Variants in GRM5 observed in about 807,000 individuals in gnomAD.
GRM5 encodes the protein glutamate metabotropic receptor 5.
In GRM5, 19 loss-of-function variants were observed where a neutral mutation model predicts 83.1. The observed-to-expected ratio is 0.23, with a 90% CI of 0.16 to 0.34. The LOEUF is 0.34. Ranked by LOEUF, GRM5 falls within the 10% of genes least tolerant of loss-of-function variation. The pLI is 1.00. For missense variants in GRM5, 1,160 were observed against 1,588.3 expected (o/e 0.73, Z 4.58); for synonymous variants, 675 against 633.6 (o/e 1.07, Z -0.98).
intron 2 of GRM5, among the ~76,000 whole-genome samples, chr11:88,878,013 AAAG>A (rs1367511873): frequency 1.3e-5 from 2 of 152,140 alleles, no homozygotes; most frequent in African/African-American, 4.8e-5. Flanking sequence ...AATAATAAAA[AAAG>A]AAGGAAAGAA....
chr11:88,696,132 G>A (rs1228114881), intron 3 of GRM5, among the ~76,000 whole-genome samples: 1 of 152,140 alleles, frequency 6.6e-6, no homozygotes, highest in Non-Finnish European at 1.5e-5. Context: ...CCAGAAGGGG[G>A]ATGGAGTGGG....
chr11:89,017,632 G>A (rs960177081), intron 2 of GRM5, among the ~76,000 whole-genome samples: 6 of 152,184 alleles, frequency 3.9e-5, no homozygotes, highest in African/African-American at 1.4e-4. Flanking sequence ...AGGTAACAGA[G>A]CTACTAATGG....
intron 3 of GRM5, among the ~76,000 whole-genome samples, chr11:88,675,240 T>C (rs757035625): frequency 5.3e-5 from 8 of 152,012 alleles, no homozygotes; most frequent in Admixed American, 1.3e-4. Flanking sequence ...ATTTTAATTG[T>C]TATGTGCTTC....
At chr11:88,759,150 A>G (rs1469857765) in intron 3 of GRM5, among the ~76,000 whole-genome samples, 1 of 152,136 alleles carries the variant, frequency 6.6e-6, no homozygotes, top group Admixed American at 6.6e-5. Context: ...CAGACCAGTG[A>G]CACTATAAAG....
chr11:88,811,619 C>A (rs1943589867), intron 3 of GRM5, among the ~76,000 whole-genome samples: 1 of 152,100 alleles, frequency 6.6e-6, no homozygotes, highest in South Asian at 2.1e-4. Context: ...AGAATGAATT[C>A]TCAAAATTAG....
chr11:88,790,105 C>G (rs1943146064), intron 3 of GRM5, among the ~76,000 whole-genome samples: 1 of 152,146 alleles, frequency 6.6e-6, no homozygotes. Flanking sequence ...TTCAGATGAT[C>G]CACCCTCCTC....
At chr11:88,646,164 G>T (rs11020772) in intron 4 of GRM5, among the ~76,000 whole-genome samples, 104,459 of 151,994 alleles carry the variant, frequency 0.69, 41,715 homozygotes, top group Non-Finnish European at 0.9. Context: ...GTCAGCAAGT[G>T]ACAGTATGGC....
intron 3 of GRM5, among the ~76,000 whole-genome samples, chr11:88,757,848 G>T (rs954653334): frequency 1.3e-5 from 2 of 152,084 alleles, no homozygotes; most frequent in African/African-American, 4.8e-5. Flanking sequence ...GATGTTTAGG[G>T]ACCAGTGGTC....
rs1944358114 is a variant in GRM5, at chr11:88,849,804, AT to A, written c.911+101del. The A allele has an allele frequency of 2.7e-6, 3 of 1,116,850 alleles. No individual in the cohort carries two copies. The African/African-American group carries it at 4.7e-5, about 17-fold the overall frequency. The allele number at this position is 1,116,850 out of a possible 1,614,324, so 69.2% of individuals were successfully genotyped here. On this transcript the variant is annotated intron_variant, in intron 3 of 9. Coordinates refer to ENST00000305447, the MANE Select transcript of GRM5 (RefSeq NM_001143831.3). ...TTTAAGCTCTATTTCCACTGCACAGATTAAGCTTTGAAAGAATTTTTTATCA... is the reference window on the plus strand; with the variant it reads ...TTTAAGCTCTATTTCCACTGCACAGATAAGCTTTGAAAGAATTTTTTATCA...
At chr11:88,677,405 C>T (rs771539800) in intron 3 of GRM5, among the ~76,000 whole-genome samples, 12 of 152,092 alleles carry the variant, frequency 7.9e-5, no homozygotes, top group Non-Finnish European at 1.6e-4. Flanking sequence ...ACTTAGATTT[C>T]TCTTAGCCTA....
At chr11:89,014,318 T>C (rs1421240068) in intron 2 of GRM5, among the ~76,000 whole-genome samples, 1 of 152,126 alleles carries the variant, frequency 6.6e-6, no homozygotes, top group Non-Finnish European at 1.5e-5. Flanking sequence ...TCACAGCACA[T>C]GGTACAGAAA....
At chr11:88,951,375 G>C (rs1938456553) in intron 2 of GRM5, among the ~76,000 whole-genome samples, 1 of 152,208 alleles carries the variant, frequency 6.6e-6, no homozygotes, top group Non-Finnish European at 1.5e-5. Context: ...AGAAGTTAAA[G>C]GGGAAGAACT....
chr11:88,514,567 A>G (rs1228075173), intron 9 of GRM5, among the ~76,000 whole-genome samples: 3 of 152,212 alleles, frequency 2.0e-5, no homozygotes, highest in African/African-American at 7.2e-5. Flanking sequence ...CCATCAAAAA[A>G]GTCAATGGAA....
At chr11:88,520,333 C>T (rs1941647495) in intron 9 of GRM5, among the ~76,000 whole-genome samples, 1 of 152,142 alleles carries the variant, frequency 6.6e-6, no homozygotes, top group African/African-American at 2.4e-5. Flanking sequence ...CAAAAACCAG[C>T]TGGCTTCTAT....
intron 8 of GRM5, among the ~76,000 whole-genome samples, chr11:88,547,442 G>A (rs1942410042): frequency 6.6e-6 from 1 of 152,166 alleles, no homozygotes; most frequent in Non-Finnish European, 1.5e-5. Context: ...AATACCCTCA[G>A]TTAGGAGATG....
chr11:88,798,087 T>C (rs1429476084), intron 3 of GRM5, among the ~76,000 whole-genome samples: 1 of 152,162 alleles, frequency 6.6e-6, no homozygotes, highest in South Asian at 2.1e-4. Context: ...TCTTAGCAAA[T>C]AGCAAACTCC....
intron 2 of GRM5, among the ~76,000 whole-genome samples, chr11:88,951,416 G>C (rs1938458461): frequency 6.6e-6 from 1 of 152,222 alleles, no homozygotes; most frequent in African/African-American, 2.4e-5. Context: ...GGGCCTCCTT[G>C]CAAGTGTGCA....
chr11:88,756,013 A>G (rs1292446633), intron 3 of GRM5, among the ~76,000 whole-genome samples: 1 of 152,174 alleles, frequency 6.6e-6, no homozygotes, highest in African/African-American at 2.4e-5. Context: ...CTCACCATGA[A>G]CAAGGCTTAT....
intron 8 of GRM5, among the ~76,000 whole-genome samples, chr11:88,551,214 T>C (rs932776424): frequency 3.3e-5 from 5 of 152,188 alleles, no homozygotes; most frequent in African/African-American, 1.2e-4. Flanking sequence ...TAAATGCTCA[T>C]TGAAGTTAGT....
Sources: gnomAD v4.1 joint callset for allele counts (sites outside exome capture counted in the v4.1 genomes callset) on GRCh38, gnomAD v4.1.1 for gene constraint, MANE v1.5 for transcripts, NCBI Gene and HGNC (gene_info 2026-07-23, HGNC 2026-07-21) for gene names.